FLT3: variants seen among roughly 807,000 people sequenced by gnomAD.
FLT3 encodes receptor-type tyrosine-protein kinase FLT3.
Under a neutral mutation model 126.6 loss-of-function variants are expected in FLT3, and 46 were observed. The observed-to-expected ratio is 0.36, with a 90% CI of 0.29 to 0.46. The LOEUF is 0.46. FLT3 is among the 20% of genes least tolerant of loss of function. FLT3 has a pLI of 1.00. For missense variants in FLT3, 1,069 were observed against 1,190.3 expected, an observed-to-expected ratio of 0.90 and a Z score of 1.50; for synonymous variants, 404 against 434.4, an observed-to-expected ratio of 0.93 and a Z score of 0.87.
intron 6 of FLT3, 27 bp from the exon 7 acceptor site, chr13:28,049,801 G>GGA (rs1875271452): frequency 6.4e-7 from 1 of 1,572,524 alleles, no homozygotes; most frequent in South Asian, 1.2e-5. Context: ...TCCCAAGTGA[G>GGA]AAAAAAAAAG....
chr13:28,054,855 T>C (rs1875866269), intron 4 of FLT3, among the ~76,000 whole-genome samples: 1 of 152,218 alleles, frequency 6.6e-6, no homozygotes, highest in African/African-American at 2.4e-5. Context: ...TCTTTTAACA[T>C]GTTTCTTGAC....
intron 1 of FLT3, among the ~76,000 whole-genome samples, chr13:28,092,027 GCCATTGCACT>G (rs1424620412): frequency 6.6e-6 from 1 of 152,124 alleles, no homozygotes; most frequent in African/African-American, 2.4e-5. Flanking sequence ...CCAAGATCGC[GCCATTGCACT>G]CCAGCCTGGG....
chr13:28,011,713 CTTTCTT>C (rs199608704), intron 23 of FLT3, among the ~76,000 whole-genome samples: 1 of 83,652 alleles, frequency 1.2e-5, no homozygotes, highest in Non-Finnish European at 2.7e-5. Context: ...CTCTTTTTCT[CTTTCTT>C]TCTTTCTCTC....
rs756312050 is a variant in FLT3, at chr13:28,062,046, G to A, written c.189C>T (p.Leu63=). The A allele has an allele frequency of 4.1e-5, 66 of 1,612,176 alleles. 2 individuals carry two copies. In the South Asian group the frequency reaches 5.8e-4, roughly 14 times the overall value. ...YPMVSESPED[L]GCALRPQSSG... ...AGCTCTGGGGTCTCAACGCACACCC[G>A]AGGTCTTCCGGGGATTCTGATACCT... The change falls in exon 3 of 24, where the codon CTC becomes CTT. Residue 63 remains leucine, a synonymous_variant. Transcript: ENST00000241453.
rs61305454 is a variant in FLT3, at chr13:28,025,694, G to A, written c.2208-751C>T. Among the ~76,000 whole-genome samples the A allele has an allele frequency of 9.2e-3, 1,408 of 152,246 alleles. 26 individuals carry two copies. Among genetic ancestry groups the A allele is most frequent in the African/African-American group, 0.032 (1,335 of 41,534 alleles). On this transcript the variant is annotated intron_variant, in intron 17 of 23. Coordinates refer to ENST00000241453, the MANE Select transcript of FLT3 (RefSeq NM_004119.3). ...CCAGTGGATACTGGTCACACACATCGGACTCAGTAGGATAGCCCCTCTGTT... is the reference window on the plus strand; with the variant it reads ...CCAGTGGATACTGGTCACACACATCAGACTCAGTAGGATAGCCCCTCTGTT...
At chr13:28,011,180 C>T (rs1357065578) in intron 23 of FLT3, among the ~76,000 whole-genome samples, 6 of 142,916 alleles carry the variant, frequency 4.2e-5, no homozygotes, top group Non-Finnish European at 7.6e-5. Flanking sequence ...CGTGGTGGCG[C>T]GTGCCTGTAG....
intron 1 of FLT3, among the ~76,000 whole-genome samples, chr13:28,077,095 G>A (rs528952535): frequency 0.15 from 1,377 of 9,416 alleles, 17 homozygotes; most frequent in African/African-American, 0.16. Context: ...AAGAAAAAGA[G>A]AAAAAGAAAG....
At chr13:28,076,183 A>C (rs1016215017) in intron 1 of FLT3, among the ~76,000 whole-genome samples, 1 of 152,220 alleles carries the variant, frequency 6.6e-6, no homozygotes, top group Non-Finnish European at 1.5e-5. Flanking sequence ...GCAATTAACA[A>C]ATATTAAGTA....
Position 28,100,055 on chromosome 13 carries a change from CA to C in FLT3, c.43+412del, listed in dbSNP as rs1205888927. Among the ~76,000 whole-genome samples, 1 of 152,116 alleles carries C rather than the reference CA, an allele frequency of 6.6e-6. No homozygotes were observed. The highest frequency in any genetic ancestry group is 1.5e-5 in the Non-Finnish European group (1 of 68,022). On this transcript the variant is annotated intron_variant, in intron 1 of 23. Transcript: ENST00000241453. The surrounding 1 kb of genome is among the most constrained non-coding windows in gnomAD (Gnocchi z 4.8). ...ACGACACCCAGGTGTCTACAGTATC[CA>C]AGGGCCGGGCCAGGAGAGGTCCTTG...
At chr13:28,049,004 G>T (rs1254842673) in intron 8 of FLT3, among the ~76,000 whole-genome samples, 1 of 152,162 alleles carries the variant, frequency 6.6e-6, no homozygotes, top group East Asian at 1.9e-4. Context: ...TGCCCTAACA[G>T]TGCGGTTAGT....
At chr13:28,056,937 C>G (rs1161852827) in intron 4 of FLT3, among the ~76,000 whole-genome samples, 1 of 152,116 alleles carries the variant, frequency 6.6e-6, no homozygotes, top group African/African-American at 2.4e-5. Context: ...CTGTGAGGTA[C>G]GTATTTTTAT....
intron 3 of FLT3, among the ~76,000 whole-genome samples, chr13:28,058,985 A>T (rs1876292814): frequency 6.6e-6 from 1 of 152,212 alleles, no homozygotes; most frequent in Non-Finnish European, 1.5e-5. Context: ...CAATAAAAAG[A>T]AAAAATGTGG....
intron 1 of FLT3, among the ~76,000 whole-genome samples, chr13:28,074,458 T>C (rs1877789008): frequency 6.6e-6 from 1 of 152,100 alleles, no homozygotes; most frequent in South Asian, 2.1e-4. Context: ...ATATGGTCAG[T>C]GTATTTGTAA....
At chr13:28,006,882 G>A (rs1340541118) in intron 23 of FLT3, among the ~76,000 whole-genome samples, 1 of 151,960 alleles carries the variant, frequency 6.6e-6, no homozygotes, top group East Asian at 1.9e-4. Flanking sequence ...GGGACTACAG[G>A]TGTGTACCAC....
chr13:28,041,596 A>G (rs866328848), intron 9 of FLT3, among the ~76,000 whole-genome samples: 14 of 152,212 alleles, frequency 9.2e-5, no homozygotes, highest in Non-Finnish European at 1.9e-4. Context: ...CTGAATATCC[A>G]ATGGCTTTAA....
chr13:28,026,168 T>C (rs1476913752), intron 17 of FLT3, among the ~76,000 whole-genome samples: 2 of 151,822 alleles, frequency 1.3e-5, no homozygotes, highest in African/African-American at 2.4e-5. Context: ...CTGACCAACA[T>C]GGTGAAACCC....
Position 28,027,070 on chromosome 13 carries a change from C to T in FLT3, c.2207+18G>A, listed in dbSNP as rs755397430. On this transcript the variant is annotated intron_variant, in intron 17 of 23. Transcript: ENST00000241453. Reference sequence around the variant, plus strand: ...GTTCTATGATGTGTAATTACGAAACCCTGACCCAGCCTCTTACCTGGAATT... The same window carrying T: ...GTTCTATGATGTGTAATTACGAAACTCTGACCCAGCCTCTTACCTGGAATT... 6.2e-7 allele frequency: 1 copy of T among 1,610,252 alleles called. No individual in the cohort carries two copies. Among genetic ancestry groups the T allele is most frequent in the Non-Finnish European group, 8.5e-7 (1 of 1,177,870 alleles).
At chr13:28,033,387 G>T (rs1873527942) in intron 15 of FLT3, among the ~76,000 whole-genome samples, 1 of 152,206 alleles carries the variant, frequency 6.6e-6, no homozygotes, top group Non-Finnish European at 1.5e-5. Flanking sequence ...AAATAGGCCT[G>T]GCACAGTGGC....
At chr13:28,078,198 CT>C (rs1186753495) in intron 1 of FLT3, among the ~76,000 whole-genome samples, 1 of 152,210 alleles carries the variant, frequency 6.6e-6, no homozygotes, top group African/African-American at 2.4e-5. Flanking sequence ...TCAGCAGGGA[CT>C]CTGTGTGGGG....
Sources: allele counts gnomAD v4.1 joint callset (sites outside exome capture counted in the v4.1 genomes callset), GRCh38; gene constraint gnomAD v4.1.1; non-coding constraint Gnocchi (gnomAD v3.1); transcripts MANE v1.5; gene names NCBI Gene and HGNC (gene_info 2026-07-23, HGNC 2026-07-21).